Variants in SH2D5 observed in about 807,000 individuals in gnomAD.
SH2D5 encodes SH2 domain-containing protein 5.
In SH2D5, 45 loss-of-function variants were observed where a neutral mutation model predicts 48.2. The ratio of observed to expected loss-of-function variants is 0.93; its 90% CI spans 0.73 to 1.20. SH2D5 has a LOEUF of 1.20. Ranked by LOEUF, SH2D5 falls within the 50% of genes most tolerant of loss-of-function variation. The probability of loss-of-function intolerance (pLI) is 0.00; values close to 1 mark genes in which losing one functional copy is unlikely to be tolerated. For missense variants in SH2D5, 538 were observed against 584.1 expected (o/e 0.92, Z 0.81); for synonymous variants, 230 against 249.8 (o/e 0.92, Z 0.75).
chr1:20,726,490 G>A (rs1285952491), intron 4 of SH2D5, among the ~76,000 whole-genome samples: 2 of 152,052 alleles, frequency 1.3e-5, no homozygotes, highest in Non-Finnish European at 2.9e-5. Context: ...CCAGGGCCCC[G>A]CAATGCCCAG....
At position 20,732,552 on chromosome 1, in the gene SH2D5, T is replaced by C. The variant is rs928678411; in HGVS notation, c.-414A>G. ...CCTCTTACTCGAGGACAAGTGACAC[T>C]GGACCGGAGTGTCTCCGTTCCCAGT... On this transcript the variant is annotated 5_prime_UTR_variant, in exon 1 of 10. Transcript: ENST00000444387. The surrounding 1 kb of genome is among the most constrained non-coding windows in gnomAD (Gnocchi z 5.1). The C allele has an allele frequency of 6.6e-6, 1 of 152,310 alleles. No individual in the cohort carries two copies. The highest frequency in any genetic ancestry group is 2.4e-5 in the African/African-American group (1 of 41,460). 9.4% of individuals were successfully genotyped at this position (152,310 alleles called of 1,614,324 possible).
chr1:20,730,496 C>A (rs913683247), intron 1 of SH2D5, among the ~76,000 whole-genome samples: 2 of 152,334 alleles, frequency 1.3e-5, no homozygotes, highest in Admixed American at 1.3e-4. Flanking sequence ...ACCACTGGCC[C>A]TCTTAGGGGC....
intron 6 of SH2D5, 31 bp from the exon 7 acceptor site, chr1:20,724,282 C>T (rs1260242060): frequency 6.2e-7 from 1 of 1,610,252 alleles, no homozygotes; most frequent in Non-Finnish European, 8.5e-7. Flanking sequence ...CACAGGCAGG[C>T]AGACTCAGGT....
chr1:20,724,374 C>G, intron 6 of SH2D5, 22 bp downstream of exon 6: 1 of 1,610,420 alleles, frequency 6.2e-7, no homozygotes, highest in South Asian at 1.1e-5. Context: ...ACTGCCCACT[C>G]CTTGGCTGGG....
chr1:20,724,612 C>A lies in SH2D5; in HGVS notation c.414G>T (p.Leu138=). ...PGEVQILHLL[L]CRSFQLAYLL... Reference sequence around the variant, plus strand: ...GGTAAGCCAGCTGGAAAGAGCGGCACAGCAGCAGGTGCAGGATCTGGACCT... The same window carrying A: ...GGTAAGCCAGCTGGAAAGAGCGGCAAAGCAGCAGGTGCAGGATCTGGACCT... Residue 138 remains leucine, a synonymous_variant, in exon 6 of 10, where the codon CTG becomes CTT. Transcript: ENST00000444387. 1 of 1,581,912 alleles carries A rather than the reference C, an allele frequency of 6.3e-7. No homozygotes were observed. Among genetic ancestry groups the A allele is most frequent in the Non-Finnish European group, 8.6e-7 (1 of 1,165,304 alleles).
chr1:20,728,411 G>A lies in SH2D5; in HGVS notation c.-42-325C>T, dbSNP rs1471942223. Among the ~76,000 whole-genome samples, 2 of 152,228 alleles carry A rather than the reference G, an allele frequency of 1.3e-5. No homozygotes were observed. The highest frequency in any genetic ancestry group is 3.8e-4 in the East Asian group (2 of 5,196). ...GTTGCTGGGAAGCCCTCACTGAGGA[G>A]GGGAGGTCTGGGTCAAGATCTGAAG... On this transcript the variant is annotated intron_variant, in intron 1 of 9. Coordinates refer to ENST00000444387, the MANE Select transcript of SH2D5 (RefSeq NM_001103161.2). This position sits in a 1 kb window ranked among gnomAD's most constrained non-coding sequence, Gnocchi z 4.3.
Position 20,727,627 on chromosome 1 carries a change from A to G in SH2D5, c.88-24T>C. The G allele has an allele frequency of 1.9e-6, 3 of 1,590,950 alleles. No individual in the cohort carries two copies. In the East Asian group the frequency reaches 6.8e-5, roughly 36 times the overall value. Reference sequence around the variant, plus strand: ...TACTGCTCGGCAGTGGGGTGAAGGGAGTAAGGCGGGGAGTCAGGCCCGTGG... The same window carrying G: ...TACTGCTCGGCAGTGGGGTGAAGGGGGTAAGGCGGGGAGTCAGGCCCGTGG... On this transcript the variant is annotated intron_variant, in intron 2 of 9. Coordinates refer to ENST00000444387, the MANE Select transcript of SH2D5 (RefSeq NM_001103161.2).
At chr1:20,722,130 T>A in intron 9 of SH2D5, 135 bp from the exon 10 acceptor site, 1 of 753,620 alleles carries the variant, frequency 1.3e-6, no homozygotes, top group Non-Finnish European at 2.2e-6. Flanking sequence ...TGTGCTATCG[T>A]GGCAGAGCCA....
At chr1:20,723,976 G>C (rs1361708997) in intron 7 of SH2D5, 107 bp downstream of exon 7, 26 of 1,419,964 alleles carry the variant, frequency 1.8e-5, no homozygotes, top group Non-Finnish European at 2.2e-5. Flanking sequence ...TGGAGGTGCG[G>C]CCACAGCCTT....
At chr1:20,723,565 G>A in intron 8 of SH2D5, 61 bp downstream of exon 8, 7 of 1,329,204 alleles carry the variant, frequency 5.3e-6, no homozygotes, top group Non-Finnish European at 7.5e-6. Flanking sequence ...GGCCTGGGAA[G>A]CCCATATTTC....
Position 20,727,961 on chromosome 1 carries a change from G to A in SH2D5, c.84C>T (p.Ala28=). The change falls in exon 2 of 10, where the codon GCC becomes GCT. Residue 28 remains alanine, a synonymous_variant. Coordinates refer to ENST00000444387, the MANE Select transcript of SH2D5 (RefSeq NM_001103161.2). ...TGGACAGGGTGGCCCCACCCACCTGGGCAAACTTGGTGATGCACCTGGGCC... is the reference window on the plus strand; with the variant it reads ...TGGACAGGGTGGCCCCACCCACCTGAGCAAACTTGGTGATGCACCTGGGCC... ...PHRPRCITKF[A]QYVGSFPVDD... 1.9e-6 allele frequency: 3 copies of A among 1,571,476 alleles called. No homozygotes were observed. Among genetic ancestry groups the A allele is most frequent in the Non-Finnish European group, 1.7e-6 (2 of 1,158,674 alleles).
chr1:20,727,577 G>A lies in SH2D5; in HGVS notation c.114C>T (p.Asp38=). 1 of 1,610,602 alleles carries A rather than the reference G, an allele frequency of 6.2e-7. No individual in the cohort carries two copies. The highest frequency in any genetic ancestry group is 1.1e-5 in the South Asian group (1 of 90,024). The change falls in exon 3 of 10, where the codon GAC becomes GAT. Residue 38 remains aspartate, a synonymous_variant. Coordinates refer to ENST00000444387, the MANE Select transcript of SH2D5 (RefSeq NM_001103161.2). The part of the protein sequence containing the change: ...AQYVGSFPVD[D]LDTQESVWLV... ...GCCACACGCTCTCCTGGGTGTCCAG[G>A]TCATCCACAGGGAAGGAGCCCACGT...
intron 9 of SH2D5, 146 bp downstream of exon 9, chr1:20,722,610 C>T (rs188293287): frequency 1.5e-5 from 12 of 823,806 alleles, no homozygotes; most frequent in East Asian, 9.3e-5. Flanking sequence ...GGATGAGGGG[C>T]GAGGCCAGGG....
In SH2D5 at chr1:20,722,850, C is replaced by G. The variant is rs766777960; in HGVS notation, c.974G>C (p.Gly325Ala). 9 of 1,605,752 alleles carry G rather than the reference C, an allele frequency of 5.6e-6. No homozygotes were observed. Among genetic ancestry groups the G allele is most frequent in the Non-Finnish European group, 7.6e-6 (9 of 1,176,674 alleles). The change falls in exon 9 of 10, where the codon GGT (glycine) becomes GCT (alanine). Residue 325 changes from glycine (G) to alanine (A), a missense_variant. Coordinates refer to ENST00000444387, the MANE Select transcript of SH2D5 (RefSeq NM_001103161.2). ...GGACAGACACCACTGGCCGCTAGCACCCAGCTCAGGCCACAGCAGGAAGGC... is the reference window on the plus strand; with the variant it reads ...GGACAGACACCACTGGCCGCTAGCAGCCAGCTCAGGCCACAGCAGGAAGGC... Reference protein sequence around the residue: ...LGAFLLWPELGASGQWCLSVR... With the variant: ...LGAFLLWPELAASGQWCLSVR...
chr1:20,723,929 G>A (rs962233159), intron 7 of SH2D5, among the ~76,000 whole-genome samples, 154 bp downstream of exon 7: 2 of 152,224 alleles, frequency 1.3e-5, no homozygotes, highest in Non-Finnish European at 2.9e-5. Context: ...GCACAGACAC[G>A]GATGCAGGCA....
At chr1:20,725,854 A>G in intron 5 of SH2D5, 66 bp downstream of exon 5, 4 of 1,586,524 alleles carry the variant, frequency 2.5e-6, no homozygotes, top group Non-Finnish European at 3.4e-6. Flanking sequence ...CAAGGAACCC[A>G]CCCTGATGCC....
At chr1:20,723,331 G>A (rs2054726382) in intron 8 of SH2D5, among the ~76,000 whole-genome samples, 1 of 152,252 alleles carries the variant, frequency 6.6e-6, no homozygotes, top group South Asian at 2.1e-4. Flanking sequence ...TCAGGAGAGA[G>A]GCTTAAAGAG....
chr1:20,730,306 CGGGGG>C (rs58462623), intron 1 of SH2D5, among the ~76,000 whole-genome samples: 23 of 134,572 alleles, frequency 1.7e-4, no homozygotes, highest in African/African-American at 3.0e-4. Context: ...CCATCCTGCT[CGGGGG>C]GGGGGGGGAC....
rs1426836508 is a variant in SH2D5, at chr1:20,721,705, A to G, written c.*87T>C. 2.6e-5 allele frequency: 34 copies of G among 1,291,524 alleles called. No homozygotes were observed. In the East Asian group the frequency reaches 8.3e-4, roughly 31 times the overall value. The allele number at this position is 1,291,524 out of a possible 1,614,324, so 80.0% of individuals were successfully genotyped here. On this transcript the variant is annotated 3_prime_UTR_variant, in exon 10 of 10. Coordinates refer to ENST00000444387, the MANE Select transcript of SH2D5 (RefSeq NM_001103161.2). ...GGCAGGGTGACTGGATGGAACTGGC[A>G]ACCAGAGGGGTGCAGGACGGGCAGA...
Sources: allele counts gnomAD v4.1 joint callset (sites outside exome capture counted in the v4.1 genomes callset), GRCh38; gene constraint gnomAD v4.1.1; non-coding constraint Gnocchi (gnomAD v3.1); transcripts MANE v1.5; gene names NCBI Gene and HGNC (gene_info 2026-07-23, HGNC 2026-07-21).